ZNF223: variants seen among roughly 807,000 people sequenced by gnomAD.
ZNF223 encodes zinc finger protein 223, also known as Homo sapiens zinc finger protein 223.
In ZNF223, 9 loss-of-function variants were observed where a neutral mutation model predicts 12.3. The ratio of observed to expected loss-of-function variants is 0.73; its 90% CI spans 0.44 to 1.28. The LOEUF is 1.28. Among genes scored for constraint, ZNF223 ranks in the 50% most tolerant of loss-of-function variants. The probability of loss-of-function intolerance (pLI) is 0.00; values close to 1 mark genes in which losing one functional copy is unlikely to be tolerated. For missense variants in ZNF223, 506 were observed against 579.0 expected (o/e 0.87, Z 1.29); for synonymous variants, 171 against 195.2 (o/e 0.88, Z 1.03).
Position 44,060,757 on chromosome 19 carries a change from C to T in ZNF223, c.151C>T (p.Pro51Ser). The T allele has an allele frequency of 6.2e-7, 1 of 1,612,740 alleles. No individual in the cohort carries two copies. The highest frequency in any genetic ancestry group is 1.1e-5 in the South Asian group (1 of 90,948). Residue 51 changes from proline to serine, a missense_variant, in exon 4 of 5, where the codon CCA becomes TCA. Transcript: ENST00000434772. ...ACTTTTCCTGTTTACAGGGCATCAA[C>T]CATTCCACCGAGATACTTTCCACTT... ...FRNLLSVGHQ[P>S]FHRDTFHFLR...
intron 2 of ZNF223, among the ~76,000 whole-genome samples, chr19:44,056,885 G>A (rs1321510018): frequency 1.3e-5 from 2 of 151,954 alleles, no homozygotes; most frequent in Non-Finnish European, 2.9e-5. Flanking sequence ...GTGAACCACC[G>A]TGCCCGGCCC....
chr19:44,053,525 G>C (rs1976727374), intron 1 of ZNF223, among the ~76,000 whole-genome samples: 1 of 152,190 alleles, frequency 6.6e-6, no homozygotes, highest in Non-Finnish European at 1.5e-5. Flanking sequence ...CCATAAGGCG[G>C]TTTTCTCCTA....
In ZNF223 at chr19:44,066,481, A is replaced by T; in HGVS notation, c.653A>T (p.His218Leu). ...GGTAAGGAATTCAGTCAGAGTTTACATCTGCAAACTCATCAGAGAGTCCAT... is the reference window on the plus strand; with the variant it reads ...GGTAAGGAATTCAGTCAGAGTTTACTTCTGCAAACTCATCAGAGAGTCCAT... ...VCGKEFSQSL[H>L]LQTHQRVHTG... Residue 218 changes from histidine (H) to leucine (L), a missense_variant, in exon 5 of 5, where the codon CAT (histidine) becomes CTT (leucine). By Grantham distance (99) the His-to-Leu change is moderately conservative. Transcript: ENST00000434772. The T allele has an allele frequency of 6.2e-7, 1 of 1,614,216 alleles. No homozygotes were observed. Among genetic ancestry groups the T allele is most frequent in the Non-Finnish European group, 8.5e-7 (1 of 1,180,032 alleles).
rs769820652 is a variant in ZNF223 at position 44,067,027 on chromosome 19, A to T, written c.1199A>T (p.Tyr400Phe). The change falls in exon 5 of 5, where the codon TAT becomes TTT. Residue 400 changes from tyrosine to phenylalanine, a missense_variant. By Grantham distance (22) the Tyr-to-Phe change is conservative. Coordinates refer to ENST00000434772, the MANE Select transcript of ZNF223 (RefSeq NM_013361.6). ...AGAGCCCACACAGGAGAGAGACCTT[A>T]TAACTGTGATGACTGTGGGAAGAGC... ...HHRAHTGERPYNCDDCGKSFR... is the reference protein window; with the variant it reads ...HHRAHTGERPFNCDDCGKSFR... 1 of 1,613,152 alleles carries T rather than the reference A, an allele frequency of 6.2e-7. No individual in the cohort carries two copies. Among genetic ancestry groups the T allele is most frequent in the Non-Finnish European group, 8.5e-7 (1 of 1,179,186 alleles).
chr19:44,054,761 A>G (rs1248747381), intron 1 of ZNF223, among the ~76,000 whole-genome samples: 1 of 152,024 alleles, frequency 6.6e-6, no homozygotes, highest in African/African-American at 2.4e-5. Flanking sequence ...ATTCTATTCT[A>G]CTTGTCTATT....
Position 44,056,743 on chromosome 19 carries a change from G to C in ZNF223, c.15+1552G>C, listed in dbSNP as rs374988486. Among the ~76,000 whole-genome samples, 277 of 151,200 alleles carry C rather than the reference G, an allele frequency of 1.8e-3. 4 individuals carry two copies. The East Asian group carries it at 0.024, about 13-fold the overall frequency. On this transcript the variant is annotated intron_variant, in intron 2 of 4. Coordinates refer to ENST00000434772, the MANE Select transcript of ZNF223 (RefSeq NM_013361.6). The stretch of plus-strand genomic sequence containing the variant: ...CGAGTAGCTGGGACTACAGGCGCCC[G>C]CCACCACACACCCGGCTAATTTTTT...
chr19:44,066,012 A>G, intron 4 of ZNF223, 52 bp from the exon 5 acceptor site: 6 of 1,523,590 alleles, frequency 3.9e-6, no homozygotes, highest in Non-Finnish European at 5.3e-6. Flanking sequence ...ACTCTTAAAA[A>G]CACTGAACAG....
chr19:44,055,289 A>G, intron 2 of ZNF223, 98 bp downstream of exon 2: 3 of 1,319,320 alleles, frequency 2.3e-6, no homozygotes, highest in Non-Finnish European at 2.2e-6. Context: ...GGAGAACAGC[A>G]GGACTTTGAG....
At chr19:44,061,455 C>G (rs1423192200) in intron 4 of ZNF223, among the ~76,000 whole-genome samples, 1 of 152,208 alleles carries the variant, frequency 6.6e-6, no homozygotes, top group Non-Finnish European at 1.5e-5. Flanking sequence ...GTCCACACTC[C>G]GTGGCTCTAG....
intron 1 of ZNF223, among the ~76,000 whole-genome samples, chr19:44,053,612 T>C (rs573758832): frequency 2.6e-5 from 4 of 152,272 alleles, no homozygotes; most frequent in Non-Finnish European, 4.4e-5. Context: ...GACAGATGCC[T>C]TCCTCTTACC....
chr19:44,058,073 C>T (rs950133319), intron 2 of ZNF223, among the ~76,000 whole-genome samples: 5 of 152,092 alleles, frequency 3.3e-5, no homozygotes, highest in Non-Finnish European at 7.4e-5. Flanking sequence ...TTCAGGGTGC[C>T]ATGACTCATG....
intron 2 of ZNF223, among the ~76,000 whole-genome samples, chr19:44,059,624 G>A (rs1976810691): frequency 1.3e-5 from 2 of 152,210 alleles, no homozygotes; most frequent in African/African-American, 2.4e-5. Flanking sequence ...ATTAATAGCT[G>A]TTGGATAGTG....
intron 1 of ZNF223, among the ~76,000 whole-genome samples, chr19:44,054,529 C>A (rs866257289): frequency 1.3e-5 from 2 of 151,958 alleles, no homozygotes; most frequent in Admixed American, 6.6e-5. Context: ...ATGATATGTG[C>A]ATTAACAGTT....
chr19:44,067,387 TG>T lies in ZNF223; in HGVS notation c.*111del. On this transcript the variant is annotated 3_prime_UTR_variant, in exon 5 of 5. Coordinates refer to ENST00000434772, the MANE Select transcript of ZNF223 (RefSeq NM_013361.6). Reference sequence around the variant, plus strand: ...TTTATCACCTCAATTATCTCTTTTTTGTGTTGAGAAAATTAAAAATTCATTG... The same window carrying T: ...TTTATCACCTCAATTATCTCTTTTTTTGTTGAGAAAATTAAAAATTCATTG... 1 of 1,244,972 alleles carries T rather than the reference TG, an allele frequency of 8.0e-7. No homozygotes were observed. Among genetic ancestry groups the T allele is most frequent in the Non-Finnish European group, 1.1e-6 (1 of 878,044 alleles). 77.1% of individuals were successfully genotyped at this position (1,244,972 alleles called of 1,614,324 possible). A position where few individuals can be genotyped will look rare whatever the true frequency, so the allele number is the denominator to read the frequency against.
chr19:44,055,211 C>T lies in ZNF223; in HGVS notation c.15+20C>T, dbSNP rs777766432. ...TCCAAGGTAAGTAGGACTTGCCTCT[C>T]TTACTGTTAAAATTCCATCTCACTA... On this transcript the variant is annotated intron_variant, in intron 2 of 4. Transcript: ENST00000434772. 1 of 1,612,284 alleles carries T rather than the reference C, an allele frequency of 6.2e-7. No individual in the cohort carries two copies. Among genetic ancestry groups the T allele is most frequent in the Non-Finnish European group, 8.5e-7 (1 of 1,179,312 alleles).
At chr19:44,058,802 G>A (rs1419195644) in intron 2 of ZNF223, among the ~76,000 whole-genome samples, 2 of 152,194 alleles carry the variant, frequency 1.3e-5, no homozygotes, top group Admixed American at 6.5e-5. Context: ...ATTTTTCATG[G>A]GAATTCACTT....
Position 44,056,697 on chromosome 19 carries a change from C to T in ZNF223, c.15+1506C>T, listed in dbSNP as rs998130123. ...CCAGCTCTGCCTCCCGGGTTTACGC[C>T]GTTCTCCTGCCTCAGCCTCCCGAGT... On this transcript the variant is annotated intron_variant, in intron 2 of 4. Transcript: ENST00000434772. 3.5e-5 allele frequency among the ~76,000 whole-genome samples: 5 copies of T among 142,978 alleles called. No individual in the cohort carries two copies. In the Admixed American group the frequency reaches 3.6e-4, roughly 10 times the overall value. The allele number at this position is 142,978 out of a possible 152,430, so 93.8% of individuals were successfully genotyped here. A position where few individuals can be genotyped will look rare whatever the true frequency, so the allele number is the denominator to read the frequency against.
In ZNF223 at chr19:44,066,396, G is replaced by T; in HGVS notation, c.568G>T (p.Ala190Ser). 8 of 1,614,178 alleles carry T rather than the reference G, an allele frequency of 5.0e-6. No homozygotes were observed. Among genetic ancestry groups the T allele is most frequent in the Non-Finnish European group, 5.9e-6 (7 of 1,180,036 alleles). ...ECGKSFCYISALHIHQRVHLG... is the reference protein window; with the variant it reads ...ECGKSFCYISSLHIHQRVHLG... ...TGGAAAAAGCTTCTGTTACATCTCA[G>T]CGCTTCATATTCATCAGAGAGTCCA... The change falls in exon 5 of 5, where the codon GCG becomes TCG. Residue 190 changes from alanine (A) to serine (S), a missense_variant. Physicochemically the swap from Ala to Ser is moderately conservative, Grantham distance 99 (BLOSUM62 1). Coordinates refer to ENST00000434772, the MANE Select transcript of ZNF223 (RefSeq NM_013361.6).
intron 1 of ZNF223, among the ~76,000 whole-genome samples, chr19:44,052,491 T>C (rs539996387): frequency 7.9e-5 from 12 of 152,360 alleles, no homozygotes; most frequent in Admixed American, 7.2e-4. Context: ...ATAATACAAA[T>C]GAAAGCCTTA....
Sources: allele counts gnomAD v4.1 joint callset (sites outside exome capture counted in the v4.1 genomes callset), GRCh38; gene constraint gnomAD v4.1.1; transcripts MANE v1.5; gene names NCBI Gene and HGNC (gene_info 2026-07-23, HGNC 2026-07-21).